The following HGS variants were observed in gnomAD, a reference collection of about 807,000 sequenced individuals.
HGS encodes the protein human growth factor-regulated tyrosine kinase substrate.
Under a neutral mutation model 109.7 loss-of-function variants are expected in HGS, and 63 were observed. The ratio of observed to expected loss-of-function variants is 0.57; its 90% confidence interval spans 0.47 to 0.71. HGS has a LOEUF of 0.71. HGS is among the 30% of genes least tolerant of loss of function. The pLI is 0.00. For synonymous variants in HGS, 546 were observed against 437.3 expected (o/e 1.25, Z -3.10); for missense variants, 995 against 1,068.3 (o/e 0.93, Z 0.96).
At chr17:81,690,545 C>T (rs986912965) in intron 6 of HGS, 129 bp from the exon 7 acceptor site, 54 of 883,446 alleles carry the variant, frequency 6.1e-5, no homozygotes, top group Non-Finnish European at 8.4e-5. Context: ...AAGGGCCGCC[C>T]GGGGCATTGC....
At position 81,685,672 on chromosome 17, in the gene HGS, C is replaced by A; in HGVS notation, c.105C>A (p.Ile35=). The change falls in exon 2 of 22, where the codon ATC becomes ATA. Residue 35 remains isoleucine (I), a synonymous_variant. Transcript: ENST00000329138. Reference sequence around the variant, plus strand: ...CCATTTTGCAGATCTGCGACCTGATCCGCCAAGGGGACACACAGTGAGTTA... The same window carrying A: ...CCATTTTGCAGATCTGCGACCTGATACGCCAAGGGGACACACAGTGAGTTA... ...WESILQICDL[I]RQGDTQAKYA... is the part of the protein sequence containing the mutation. The A allele has an allele frequency of 1.2e-6, 2 of 1,612,294 alleles. No homozygotes were observed. The highest frequency in any genetic ancestry group is 1.7e-6 in the Non-Finnish European group (2 of 1,179,276).
chr17:81,696,889 C>G lies in HGS; in HGVS notation c.1773C>G (p.Ser591Arg). The change falls in exon 18 of 22, where the codon AGC (serine) becomes AGG (arginine). Residue 591 changes from serine (S) to arginine (R), a missense_variant. Ser to Arg is a moderately radical substitution (Grantham distance 110, BLOSUM62 -1). Around this residue, in one of 6 missense-constraint regions of HGS, gnomAD observed 326 missense variants for 309.7 expected, o/e 1.05. Transcript: ENST00000329138. Reference protein sequence around the residue: ...YQPSGPASFPSTFSPAGSVEG... With the variant: ...YQPSGPASFPRTFSPAGSVEG... ...CCTCGGGACCAGCCAGCTTCCCCAGCACCTTCAGCCCTGCCGGCTCGGTGG... is the reference window on the plus strand; with the variant it reads ...CCTCGGGACCAGCCAGCTTCCCCAGGACCTTCAGCCCTGCCGGCTCGGTGG... 1 of 1,610,620 alleles carries G rather than the reference C, an allele frequency of 6.2e-7. No individual in the cohort carries two copies. Among genetic ancestry groups the G allele is most frequent in the Non-Finnish European group, 8.5e-7 (1 of 1,179,830 alleles).
intron 1 of HGS, 102 bp from the exon 2 acceptor site, chr17:81,685,503 A>G (rs888880386): frequency 1.0e-5 from 7 of 702,970 alleles, no homozygotes; most frequent in African/African-American, 1.8e-5. Flanking sequence ...CCAAATGTCT[A>G]AAGGGGAAGG....
rs776695565 is a variant in HGS at position 81,695,151 on chromosome 17, C to T, written c.1120-13C>T. ...GGACAGGTTGGAGGCCCCACTCATT[C>T]TCTCTCTTCCAGAACCCCCTCCCGG... On this transcript the variant is annotated splice_polypyrimidine_tract_variant and intron_variant, in intron 13 of 21. Transcript: ENST00000329138. 8 of 1,613,848 alleles carry T rather than the reference C, an allele frequency of 5.0e-6. No individual in the cohort carries two copies. The East Asian group carries it at 1.6e-4, about 31-fold the overall frequency.
intron 4 of HGS, 60 bp downstream of exon 4, chr17:81,687,155 GT>G: frequency 8.7e-7 from 1 of 1,147,920 alleles, no homozygotes; most frequent in Non-Finnish European, 1.3e-6. Flanking sequence ...TTCTCCGGGT[GT>G]TTACTGGGCA....
intron 1 of HGS, chr17:81,684,372 C>T (rs559290874): frequency 8.8e-6 from 3 of 342,260 alleles, no homozygotes; most frequent in South Asian, 1.5e-4. Flanking sequence ...CCTCCGCGGG[C>T]CCGGGCATTC....
chr17:81,687,843 G>T (rs575788784), intron 4 of HGS, among the ~76,000 whole-genome samples: 5 of 152,200 alleles, frequency 3.3e-5, no homozygotes, highest in Admixed American at 2.0e-4. Flanking sequence ...GAACCTGCCC[G>T]GGGATCCCGG....
intron 18 of HGS, among the ~76,000 whole-genome samples, chr17:81,699,349 A>G (rs939018882): frequency 7.2e-5 from 11 of 152,206 alleles, no homozygotes; most frequent in African/African-American, 2.4e-4. Context: ...TGGTCAGACC[A>G]TGTCACTCAT....
At chr17:81,700,975 C>G (rs546496663) in intron 20 of HGS, 70 bp from the exon 21 acceptor site, 47 of 1,551,964 alleles carry the variant, frequency 3.0e-5, no homozygotes, top group Middle Eastern at 1.7e-4. Flanking sequence ...TGGATTGTTG[C>G]AAGCCAGAAA....
chr17:81,691,227 C>A lies in HGS; in HGVS notation c.538-220C>A. Reference sequence around the variant, plus strand: ...ATTTTTTCCTTGCCCTTACTTTTAACTTACCTTATTTTCCCCAAAACGGTG... The same window carrying A: ...ATTTTTTCCTTGCCCTTACTTTTAAATTACCTTATTTTCCCCAAAACGGTG... On this transcript the variant is annotated intron_variant, in intron 7 of 21. Coordinates refer to ENST00000329138, the MANE Select transcript of HGS (RefSeq NM_004712.5). The surrounding 1 kb of genome is among the most constrained non-coding windows in gnomAD (Gnocchi z 5.3). 1 of 569,370 alleles carries A rather than the reference C, an allele frequency of 1.8e-6. No homozygotes were observed. The highest frequency in any genetic ancestry group is 3.1e-6 in the Non-Finnish European group (1 of 318,350). The allele number at this position is 569,370 out of a possible 1,614,324, so 35.3% of individuals were successfully genotyped here.
At position 81,700,811 on chromosome 17, in the gene HGS, G is replaced by T. The variant is rs772751870; in HGVS notation, c.2133G>T (p.Met711Ile). ...SVSMGYQPYN[M>I]QNLMTTLPSQ... is the part of the protein sequence containing the mutation. ...CCATGGGCTACCAGCCTTACAACAT[G>T]CAGGTACAGTGACCTCCAGGCCCTG... Residue 711 changes from methionine to isoleucine, a missense_variant, in exon 20 of 22, where the codon ATG becomes ATT. Around this residue, in one of 6 missense-constraint regions of HGS, gnomAD observed 326 missense variants for 309.7 expected, o/e 1.05. Transcript: ENST00000329138. 5 of 1,611,210 alleles carry T rather than the reference G, an allele frequency of 3.1e-6. No individual in the cohort carries two copies. In the Admixed American group the frequency reaches 8.3e-5, roughly 27 times the overall value.
chr17:81,700,345 G>A, intron 18 of HGS, 122 bp from the exon 19 acceptor site: 1 of 1,034,840 alleles, frequency 9.7e-7, no homozygotes, highest in Non-Finnish European at 1.4e-6. Context: ...CTCCAGCCTG[G>A]TGACAGAGCA....
In HGS at chr17:81,701,547, G is replaced by C. The variant is rs371793460; in HGVS notation, c.2263G>C (p.Val755Leu). 1 of 1,568,062 alleles carries C rather than the reference G, an allele frequency of 6.4e-7. No homozygotes were observed. The highest frequency in any genetic ancestry group is 8.6e-7 in the Non-Finnish European group (1 of 1,163,878). Residue 755 changes from valine to leucine, a missense_variant, in exon 22 of 22, where the codon GTG (valine) becomes CTG (leucine). Coordinates refer to ENST00000329138, the MANE Select transcript of HGS (RefSeq NM_004712.5). ...CGGTCCCCCCCAGCAGCAGCCCCCC[G>C]TGGCCCAGCAACCGCAGGCACAGGG... is the stretch of plus-strand genomic sequence containing the variant. ...SGGPPQQQPP[V>L]AQQPQAQGPP...
At chr17:81,701,197 T>C (rs773340606) in intron 21 of HGS, 66 bp downstream of exon 21, 17 of 1,376,112 alleles carry the variant, frequency 1.2e-5, no homozygotes, top group Non-Finnish European at 1.8e-5. Flanking sequence ...GGTTTAGCAA[T>C]GGGACCCCTG....
At chr17:81,690,886 C>T (rs1404852267) in intron 7 of HGS, 144 bp downstream of exon 7, 3 of 648,690 alleles carry the variant, frequency 4.6e-6, no homozygotes, top group South Asian at 2.1e-5. Flanking sequence ...GGCAGTGTGG[C>T]GTCAGGAGGG....
At chr17:81,697,153 T>C in intron 18 of HGS, 155 bp downstream of exon 18, 1 of 801,356 alleles carries the variant, frequency 1.2e-6, no homozygotes, top group Non-Finnish European at 1.9e-6. Flanking sequence ...GCAAACGCAC[T>C]CACACAGGCT....
chr17:81,690,383 G>A (rs1568214109), intron 6 of HGS, 149 bp downstream of exon 6: 19 of 827,118 alleles, frequency 2.3e-5, no homozygotes, highest in Non-Finnish European at 3.3e-5. Flanking sequence ...GGGCGGAGGC[G>A]TAGCAGCTGT....
At chr17:81,687,147 C>T (rs759118548) in intron 4 of HGS, 52 bp downstream of exon 4, 2 of 1,286,616 alleles carry the variant, frequency 1.6e-6, no homozygotes, top group Admixed American at 1.8e-5. Context: ...ACCTTTGCTT[C>T]TCCGGGTGTT....
chr17:81,693,522 A>G lies in HGS; in HGVS notation c.682A>G (p.Thr228Ala), dbSNP rs1262412439. 1.2e-6 allele frequency: 2 copies of G among 1,613,162 alleles called. No homozygotes were observed. Among genetic ancestry groups the G allele is most frequent in the East Asian group, 2.2e-5 (1 of 44,880 alleles). ...CCACAGGAAAGCGGAGGGAAAGGCC[A>G]CTTCCACCACTGAGCTGCCCCCCGA... ...QLNRKAEGKA[T>A]STTELPPEYL... is the part of the protein sequence containing the mutation. The change falls in exon 9 of 22, where the codon ACT becomes GCT. Residue 228 changes from threonine to alanine, a missense_variant. Physicochemically the swap from Thr to Ala is moderately conservative, Grantham distance 58 (BLOSUM62 0). Transcript: ENST00000329138.
Sources: allele counts gnomAD v4.1 joint callset (sites outside exome capture counted in the v4.1 genomes callset), GRCh38; gene constraint gnomAD v4.1.1; regional missense constraint gnomAD v4.1.1; non-coding constraint Gnocchi (gnomAD v3.1); transcripts MANE v1.5; gene names NCBI Gene and HGNC (gene_info 2026-07-23, HGNC 2026-07-21).